Variants in IQCK observed in about 807,000 individuals in gnomAD.
The protein encoded by IQCK is IQ motif containing K.
Under a neutral mutation model 28.1 loss-of-function variants are expected in IQCK, and 29 were observed. That is an observed-to-expected ratio of 1.03 (90% CI 0.77 to 1.41). The LOEUF (loss-of-function observed/expected upper bound fraction) is 1.41, where lower values mean the gene tolerates loss of function less well. Among genes scored for constraint, IQCK ranks in the 40% most tolerant of loss-of-function variants. IQCK has a pLI of 0.00. For synonymous variants in IQCK, 113 were observed against 115.1 expected (o/e 0.98, Z 0.12); for missense variants, 359 against 314.7 (o/e 1.14, Z -1.07).
intron 6 of IQCK, among the ~76,000 whole-genome samples, chr16:19,778,852 T>C (rs115124861): frequency 3.7e-3 from 558 of 152,268 alleles, no homozygotes; most frequent in African/African-American, 0.012. Flanking sequence ...CTTGTAAATA[T>C]ATATGTTCCC....
chr16:19,761,254 G>T (rs1165511770), intron 4 of IQCK: 2 of 395,490 alleles, frequency 5.1e-6, no homozygotes, highest in Non-Finnish European at 1.0e-5. Flanking sequence ...ATTCCGAAGG[G>T]GTTATACTTC....
intron 9 of IQCK, among the ~76,000 whole-genome samples, chr16:19,855,543 C>T (rs1409604299): frequency 6.6e-6 from 1 of 151,930 alleles, no homozygotes; most frequent in Non-Finnish European, 1.5e-5. Flanking sequence ...CGAGATCTTG[C>T]CACTGCACTC....
intron 4 of IQCK, among the ~76,000 whole-genome samples, chr16:19,752,040 A>G (rs544081972): frequency 6.6e-5 from 10 of 152,230 alleles, no homozygotes; most frequent in Non-Finnish European, 1.3e-4. Flanking sequence ...AAAAGGCCAC[A>G]GTACCATTCC....
intron 9 of IQCK, among the ~76,000 whole-genome samples, chr16:19,839,270 C>T (rs2056336449): frequency 2.0e-5 from 3 of 151,736 alleles, no homozygotes; most frequent in Admixed American, 2.0e-4. Flanking sequence ...AAGGGTTCCT[C>T]CTGCCTCAGC....
chr16:19,748,067 AAATT>A (rs2151696393), intron 4 of IQCK, among the ~76,000 whole-genome samples: 1 of 144,060 alleles, frequency 6.9e-6, no homozygotes, highest in East Asian at 2.0e-4. Flanking sequence ...ATCTGGGCTC[AAATT>A]CTTTTTTTTT....
chr16:19,804,081 C>T (rs759909074), intron 7 of IQCK, among the ~76,000 whole-genome samples: 67 of 152,142 alleles, frequency 4.4e-4, no homozygotes, highest in African/African-American at 1.4e-3. Context: ...CCAGGTGCGG[C>T]GGCTCACGCC....
chr16:19,854,987 TA>T (rs1207736611), intron 9 of IQCK, among the ~76,000 whole-genome samples: 3 of 152,220 alleles, frequency 2.0e-5, no homozygotes, highest in African/African-American at 7.2e-5. Context: ...GTATTAAAAA[TA>T]TTTTTTTCTG....
intron 4 of IQCK, among the ~76,000 whole-genome samples, chr16:19,754,476 TTTTGGTTGCTTATCAAA>T (rs2055026343): frequency 6.6e-6 from 1 of 152,208 alleles, no homozygotes; most frequent in South Asian, 2.1e-4. Flanking sequence ...CCCTTTCGGC[TTTTGGTTGCTTATCAAA>T]TTCCATTACA....
At chr16:19,776,762 G>A (rs1185914809) in intron 6 of IQCK, among the ~76,000 whole-genome samples, 3 of 152,160 alleles carry the variant, frequency 2.0e-5, no homozygotes, top group Non-Finnish European at 4.4e-5. Context: ...TCTAATTGAA[G>A]TGTGATGAGG....
intron 7 of IQCK, among the ~76,000 whole-genome samples, chr16:19,801,088 T>TG (rs1234758608): frequency 2.1e-5 from 3 of 143,830 alleles, no homozygotes; most frequent in South Asian, 2.1e-4. Context: ...TAGTGTACTC[T>TG]GTTCATTCTG....
chr16:19,820,493 C>CAA (rs1204594140), intron 7 of IQCK, among the ~76,000 whole-genome samples: 2 of 151,914 alleles, frequency 1.3e-5, no homozygotes, highest in Admixed American at 1.3e-4. Context: ...ACTAAAAATA[C>CAA]AAAAAATTAG....
intron 9 of IQCK, among the ~76,000 whole-genome samples, chr16:19,850,375 G>C (rs1386472898): frequency 1.3e-5 from 2 of 152,124 alleles, no homozygotes; most frequent in African/African-American, 2.4e-5. Flanking sequence ...ATAGCACTTA[G>C]CTCACTATGA....
chr16:19,823,268 A>C (rs1247302003), intron 7 of IQCK, among the ~76,000 whole-genome samples: 2 of 152,152 alleles, frequency 1.3e-5, no homozygotes, highest in African/African-American at 4.8e-5. Context: ...CCCCATGGTC[A>C]GCAGAGTTGG....
At chr16:19,828,525 A>G (rs1028135250), downstream of IQCK, among the ~76,000 whole-genome samples, 32 of 152,148 alleles carry the variant, frequency 2.1e-4, no homozygotes, top group African/African-American at 7.5e-4. Context: ...GGCATGAGCC[A>G]CCGTGCCCAA....
chr16:19,730,757 CTTATCT>C (rs767904059), intron 2 of IQCK, among the ~76,000 whole-genome samples: 1 of 119,164 alleles, frequency 8.4e-6, no homozygotes, highest in East Asian at 2.1e-4. Context: ...ATCTATCTAT[CTTATCT>C]TATCTATCTA....
chr16:19,760,981 T>C (rs2055130767), intron 4 of IQCK: 1 of 169,446 alleles, frequency 5.9e-6, no homozygotes, highest in African/African-American at 2.4e-5. Flanking sequence ...CTGCTGGGAG[T>C]GTAGCAGTGA....
At chr16:19,811,985 ATTTT>A (rs11290117) in intron 7 of IQCK, among the ~76,000 whole-genome samples, 5 of 131,110 alleles carry the variant, frequency 3.8e-5, no homozygotes, top group African/African-American at 9.0e-5. Context: ...AATAGCCTTA[ATTTT>A]TTTTTTTTTT....
chr16:19,742,647 T>G (rs1320721400), intron 4 of IQCK, among the ~76,000 whole-genome samples: 1 of 152,234 alleles, frequency 6.6e-6, no homozygotes, highest in East Asian at 1.9e-4. Context: ...CGTAATTCAT[T>G]GTTTATTGAT....
intron 7 of IQCK, among the ~76,000 whole-genome samples, chr16:19,808,557 T>A (rs912271768): frequency 3.9e-5 from 6 of 152,214 alleles, no homozygotes; most frequent in Admixed American, 6.5e-5. Flanking sequence ...TACGTGAGGC[T>A]GATAATAATA....
Sources: gnomAD v4.1 joint callset for allele counts (sites outside exome capture counted in the v4.1 genomes callset) on GRCh38, gnomAD v4.1.1 for gene constraint, MANE v1.5 for transcripts, NCBI Gene and HGNC (gene_info 2026-07-23, HGNC 2026-07-21) for gene names.